MREG: variants seen among roughly 807,000 people sequenced by gnomAD.
MREG encodes dilute suppressor protein homolog.
In MREG, 31 loss-of-function variants were observed where a neutral mutation model predicts 28.5. That is an observed-to-expected ratio of 1.09 (90% CI 0.82 to 1.47). The LOEUF is 1.47. Ranked by LOEUF, MREG falls within the 40% of genes most tolerant of loss-of-function variation. The pLI is 0.00. For synonymous variants in MREG, 106 were observed against 95.2 expected (o/e 1.11, Z -0.66); for missense variants, 256 against 257.4 (o/e 0.99, Z 0.04).
intron 3 of MREG, among the ~76,000 whole-genome samples, chr2:215,945,945 T>C (rs1197547251): frequency 6.6e-6 from 1 of 152,144 alleles, no homozygotes; most frequent in Admixed American, 6.5e-5. Flanking sequence ...TTTCGGTATT[T>C]TTTTTCTCTT....
chr2:215,991,197 G>A (rs1240982586), intron 2 of MREG, among the ~76,000 whole-genome samples: 2 of 152,142 alleles, frequency 1.3e-5, no homozygotes, highest in Non-Finnish European at 2.9e-5. Context: ...CGGTCTCTCA[G>A]ACCACAGTGC....
Position 215,943,838 on chromosome 2 carries a change from CAAAAAAAAAAAA to C in MREG, c.*1013_*1024del, listed in dbSNP as rs1172682973. The C allele has an allele frequency of 4.2e-5, 2 of 47,200 alleles. No homozygotes were observed. The highest frequency in any genetic ancestry group is 8.2e-5 in the African/African-American group (1 of 12,126). The allele number at this position is 47,200 out of a possible 1,614,324, so 2.9% of individuals were successfully genotyped here. A position where few individuals can be genotyped will look rare whatever the true frequency, so the allele number is the denominator to read the frequency against. On this transcript the variant is annotated 3_prime_UTR_variant, in exon 5 of 5. Transcript: ENST00000263268. ...CCTGGGCGACAGAGCGAGAGTCCAT[CAAAAAAAAAAAA>C]AAAAAAAAAAAGAGCGAAAGGCTTT...
chr2:215,983,126 T>C (rs945545433), intron 2 of MREG, among the ~76,000 whole-genome samples: 1 of 152,172 alleles, frequency 6.6e-6, no homozygotes, highest in African/African-American at 2.4e-5. Context: ...ATCCCAAAAT[T>C]ATCTAGAAAA....
chr2:215,994,635 G>A (rs539604088), intron 2 of MREG, among the ~76,000 whole-genome samples: 1 of 149,802 alleles, frequency 6.7e-6, no homozygotes, highest in East Asian at 1.9e-4. Context: ...GAAGGAGGGG[G>A]AGGAGGAGGA....
At chr2:215,994,655 T>C (rs551648923) in intron 2 of MREG, among the ~76,000 whole-genome samples, 1 of 151,808 alleles carries the variant, frequency 6.6e-6, no homozygotes, top group Admixed American at 6.6e-5. Context: ...AGGAAGCTTC[T>C]GGAGGACCCA....
intron 2 of MREG, among the ~76,000 whole-genome samples, chr2:215,952,485 A>G (rs2105971577): frequency 6.6e-6 from 1 of 152,306 alleles, no homozygotes; most frequent in Admixed American, 6.5e-5. Flanking sequence ...ATATTTTAAA[A>G]TTAAAACACA....
chr2:215,979,346 C>A (rs1693348244), intron 2 of MREG, among the ~76,000 whole-genome samples: 1 of 151,772 alleles, frequency 6.6e-6, no homozygotes, highest in African/African-American at 2.4e-5. Flanking sequence ...GCCTGTAATC[C>A]CAGCTACTCG....
intron 2 of MREG, among the ~76,000 whole-genome samples, chr2:215,967,770 A>C (rs979159522): frequency 5.3e-5 from 8 of 152,344 alleles, no homozygotes; most frequent in African/African-American, 1.9e-4. Context: ...CCTCATGGGC[A>C]CGACTGTGTT....
chr2:216,019,844 C>T (rs1694496525), intron 1 of MREG, among the ~76,000 whole-genome samples: 1 of 152,080 alleles, frequency 6.6e-6, no homozygotes, highest in African/African-American at 2.4e-5. Context: ...TGGTTCCCTC[C>T]CTTCCCCAAA....
chr2:215,988,745 T>A (rs531997855), intron 2 of MREG, among the ~76,000 whole-genome samples: 15 of 152,114 alleles, frequency 9.9e-5, no homozygotes, highest in Non-Finnish European at 2.2e-4. Context: ...GGGCAGGCAG[T>A]TTTTCCCCTC....
chr2:216,023,052 A>T (rs1211008274), intron 1 of MREG, among the ~76,000 whole-genome samples: 1 of 152,106 alleles, frequency 6.6e-6, no homozygotes, highest in Non-Finnish European at 1.5e-5. Flanking sequence ...CCATTCCTTT[A>T]TATGGTTTCT....
intron 2 of MREG, among the ~76,000 whole-genome samples, chr2:215,989,772 G>A (rs970718601): frequency 6.6e-6 from 1 of 151,708 alleles, no homozygotes; most frequent in African/African-American, 2.4e-5. Flanking sequence ...TAGCCAAATC[G>A]ATCAAGCAGA....
At chr2:216,004,665 G>C (rs886854079) in intron 1 of MREG, among the ~76,000 whole-genome samples, 1 of 152,102 alleles carries the variant, frequency 6.6e-6, no homozygotes, top group African/African-American at 2.4e-5. Flanking sequence ...CTAAACTGTA[G>C]AGATGAGTAT....
At chr2:216,016,169 C>T (rs1258542104), upstream of MREG, among the ~76,000 whole-genome samples, 6 of 152,198 alleles carry the variant, frequency 3.9e-5, no homozygotes, top group African/African-American at 9.7e-5. Flanking sequence ...CCAGCTGTCA[C>T]CAGACAGCAC....
At position 215,990,345 on chromosome 2, in the gene MREG, CTG is replaced by C. The variant is rs1693689950; in HGVS notation, c.255+5959_255+5960del. On this transcript the variant is annotated intron_variant, in intron 2 of 4. Transcript: ENST00000263268. ...ACAACCCTGTACAGACAAGCAAATA[CTG>C]AGAGATTTTGTCATCACCAGGCCTG... 2.6e-5 allele frequency among the ~76,000 whole-genome samples: 4 copies of C among 152,294 alleles called. No individual in the cohort carries two copies. The South Asian group carries it at 8.3e-4, about 32-fold the overall frequency.
Position 216,025,269 on chromosome 2 carries a change from AC to A in MREG, c.-68+7519del, listed in dbSNP as rs1694578379. On this transcript the variant is annotated intron_variant, in intron 1 of 3. Coordinates refer to the MREG transcript ENST00000420348. ...AGGTTGATTTAAAGATCTCGACAGGACAAAAATTGTAAAACTAAGAAAGAAG... is the reference window on the plus strand; with the variant it reads ...AGGTTGATTTAAAGATCTCGACAGGAAAAAATTGTAAAACTAAGAAAGAAG... Among the ~76,000 whole-genome samples the A allele has an allele frequency of 2.6e-5, 4 of 152,332 alleles. No individual in the cohort carries two copies. In the South Asian group the frequency reaches 8.3e-4, roughly 32 times the overall value.
intron 1 of MREG, among the ~76,000 whole-genome samples, chr2:216,010,348 A>ATTTTTT (rs1405422677): frequency 9.9e-6 from 1 of 101,354 alleles, no homozygotes; most frequent in African/African-American, 4.0e-5. Flanking sequence ...GAAAGAAAAG[A>ATTTTTT]TTTCTCTTTT....
intron 2 of MREG, among the ~76,000 whole-genome samples, chr2:215,949,339 C>T (rs1218702311): frequency 1.3e-5 from 2 of 151,088 alleles, no homozygotes; most frequent in East Asian, 3.9e-4. Flanking sequence ...GCGGGTGGAT[C>T]ACTTGAGGTC....
At chr2:216,032,846 T>G (rs1694730954) in exon 1 of MREG, 1 of 152,230 alleles carries the variant, frequency 6.6e-6, no homozygotes, top group Admixed American at 6.5e-5. Context: ...AATAGATGCC[T>G]TCTTTGCTGA....
Sources: gnomAD v4.1 joint callset for allele counts (sites outside exome capture counted in the v4.1 genomes callset) on GRCh38, gnomAD v4.1.1 for gene constraint, MANE v1.5 for transcripts, NCBI Gene and HGNC (gene_info 2026-07-23, HGNC 2026-07-21) for gene names.